Variants in TSKS observed in about 807,000 individuals in gnomAD.
The protein encoded by TSKS is testis-specific serine kinase substrate.
In TSKS, 27 loss-of-function variants were observed where a neutral mutation model predicts 68.0. That is an observed-to-expected ratio of 0.40 (90% confidence interval 0.29 to 0.55). The LOEUF (loss-of-function observed/expected upper bound fraction) is 0.55. Ranked by LOEUF, TSKS falls within the 20% of genes least tolerant of loss-of-function variation. The pLI, the probability that TSKS is intolerant of heterozygous loss-of-function variation, is 0.53. For missense variants in TSKS, 806 were observed against 776.0 expected, an observed-to-expected ratio of 1.04 and a Z score of -0.46; for synonymous variants, 331 against 340.4, an observed-to-expected ratio of 0.97 and a Z score of 0.30.
intron 8 of TSKS, among the ~76,000 whole-genome samples, chr19:49,743,966 C>T (rs939416124): frequency 6.6e-6 from 1 of 152,132 alleles, no homozygotes; most frequent in Non-Finnish European, 1.5e-5. Flanking sequence ...CTTGGTCTCC[C>T]GAAGTGCTGG....
chr19:49,749,739 T>C (rs2123613884), intron 2 of TSKS, among the ~76,000 whole-genome samples: 1 of 152,142 alleles, frequency 6.6e-6, no homozygotes. Context: ...GCCTCCCAAG[T>C]TGCTAAGAGT....
intron 2 of TSKS, among the ~76,000 whole-genome samples, chr19:49,751,989 G>A (rs1290861413): frequency 2.0e-5 from 3 of 151,332 alleles, no homozygotes; most frequent in South Asian, 2.1e-4. Context: ...TTGAAGAATC[G>A]CTTGAACCTG....
intron 10 of TSKS, 45 bp downstream of exon 10, chr19:49,740,014 C>T: frequency 6.2e-7 from 1 of 1,612,898 alleles, no homozygotes; most frequent in Non-Finnish European, 8.5e-7. Flanking sequence ...AGGCCCTTTC[C>T]CCAAGATCTC....
chr19:49,750,004 T>C (rs1406858195), intron 2 of TSKS, among the ~76,000 whole-genome samples: 1 of 152,024 alleles, frequency 6.6e-6, no homozygotes, highest in Non-Finnish European at 1.5e-5. Context: ...TCATCCCTTA[T>C]AGGAAAAGAG....
In TSKS at chr19:49,762,247, C is replaced by CA. The variant is rs2084448753; in HGVS notation, c.171-16dup. The CA allele has an allele frequency of 1.9e-6, 3 of 1,609,050 alleles. No individual in the cohort carries two copies. The highest frequency in any genetic ancestry group is 2.5e-6 in the Non-Finnish European group (3 of 1,177,112). ...GGGGCTCCACCCTGCAGAGAAGAAA[C>CA]AGGCAGAAAAGTGGAGAAGCAGCCC... On this transcript the variant is annotated splice_polypyrimidine_tract_variant and intron_variant, in intron 1 of 10. Transcript: ENST00000246801.
rs1237890822 is a variant in TSKS, at chr19:49,745,394, C to T, written c.995G>A (p.Arg332Lys). ...KLFTGIEELRREVSSLTARWH... is the reference protein window; with the variant it reads ...KLFTGIEELRKEVSSLTARWH... Reference sequence around the variant, plus strand: ...CCGGGCGGTCAGTGAGGACACCTCTCTCCTGGAGGGGCAGAGGAGGGGAAT... The same window carrying T: ...CCGGGCGGTCAGTGAGGACACCTCTTTCCTGGAGGGGCAGAGGAGGGGAAT... The change falls in exon 7 of 11, where the codon AGA becomes AAA. Residue 332 changes from arginine to lysine, a missense_variant and splice_region_variant. Coordinates refer to ENST00000246801, the MANE Select transcript of TSKS (RefSeq NM_021733.2). 1.1e-5 allele frequency: 17 copies of T among 1,551,290 alleles called. No homozygotes were observed. The highest frequency in any genetic ancestry group is 1.4e-5 in the African/African-American group (1 of 73,764).
Position 49,745,378 on chromosome 19 carries a change from C to T in TSKS, c.1011G>A (p.Leu337=). 2 of 1,572,620 alleles carry T rather than the reference C, an allele frequency of 1.3e-6. No homozygotes were observed. Among genetic ancestry groups the T allele is most frequent in the South Asian group, 1.1e-5 (1 of 87,618 alleles). ...CCTCCTCCTGATGCCACCGGGCGGT[C>T]AGTGAGGACACCTCTCTCCTGGAGG... ...IEELRREVSS[L]TARWHQEEGA... Residue 337 remains leucine (L), a synonymous_variant, in exon 7 of 11, where the codon CTG becomes CTA. Coordinates refer to ENST00000246801, the MANE Select transcript of TSKS (RefSeq NM_021733.2).
At position 49,762,169 on chromosome 19, in the gene TSKS, G is replaced by A; in HGVS notation, c.234C>T (p.Ala78=). 1 of 1,614,148 alleles carries A rather than the reference G, an allele frequency of 6.2e-7. No individual in the cohort carries two copies. The highest frequency in any genetic ancestry group is 2.2e-5 in the East Asian group (1 of 44,866). Residue 78 remains alanine (A), a synonymous_variant, in exon 2 of 11, where the codon GCC becomes GCT. Transcript: ENST00000246801. The part of the protein sequence containing the change: ...HWCLNLKRSS[A]CTNVSLLNLA... The stretch of plus-strand genomic sequence containing the variant: ...GGTTGAGCAGTGACACGTTGGTGCA[G>A]GCCGAGGACCGTTTGAGGTTCAGGC...
intron 8 of TSKS, among the ~76,000 whole-genome samples, chr19:49,742,311 C>T (rs1315526847): frequency 2.6e-5 from 4 of 151,686 alleles, no homozygotes; most frequent in Non-Finnish European, 5.9e-5. Flanking sequence ...AATTCTCCTG[C>T]GTCAGCCTCC....
At chr19:49,752,439 GTGATATGC>G (rs2084359551) in intron 2 of TSKS, among the ~76,000 whole-genome samples, 1 of 151,744 alleles carries the variant, frequency 6.6e-6, no homozygotes, top group African/African-American at 2.4e-5. Flanking sequence ...CTCTTGCCAG[GTGATATGC>G]TGGCTCCATC....
chr19:49,741,381 G>T (rs377725117), intron 9 of TSKS, among the ~76,000 whole-genome samples: 2 of 152,100 alleles, frequency 1.3e-5, no homozygotes, highest in East Asian at 3.9e-4. Flanking sequence ...AGTGCACTAG[G>T]GCTCAAGTTC....
chr19:49,762,307 A>G (rs2084449292), intron 1 of TSKS, 75 bp from the exon 2 acceptor site: 6 of 1,131,664 alleles, frequency 5.3e-6, no homozygotes, highest in Admixed American at 2.1e-5. Flanking sequence ...TCCTTTCTCC[A>G]TACCTCACCC....
chr19:49,750,282 C>T lies in TSKS; in HGVS notation c.400-1813G>A, dbSNP rs2084338811. ...ACATTCTTTTTTTTTTTTTTTTTGA[C>T]AGAGTCTTGCTCTTTTGTCAGGCTG... On this transcript the variant is annotated intron_variant, in intron 2 of 10. Transcript: ENST00000246801. Among the ~76,000 whole-genome samples the T allele has an allele frequency of 3.7e-5, 5 of 133,614 alleles. No individual in the cohort carries two copies. The Admixed American group carries it at 3.9e-4, about 10-fold the overall frequency. 87.7% of individuals were successfully genotyped at this position (133,614 alleles called of 152,430 possible).
rs181463240 is a variant in TSKS, at chr19:49,747,381, G to A, written c.663+8C>T. On this transcript the variant is annotated splice_region_variant and intron_variant, in intron 5 of 10. Transcript: ENST00000246801. ...CCACAAATCCTGGGACTGCCCCCTA[G>A]CCCTTACCTCCAGCAGGGCAGAATT... 4.5e-5 allele frequency: 73 copies of A among 1,614,162 alleles called. No individual in the cohort carries two copies. The African/African-American group carries it at 9.2e-4, about 20-fold the overall frequency.
At chr19:49,747,298 G>A in intron 5 of TSKS, 91 bp downstream of exon 5, 4 of 1,606,544 alleles carry the variant, frequency 2.5e-6, no homozygotes, top group Non-Finnish European at 3.4e-6. Context: ...TGGTGGTGTC[G>A]GGGCAGGGAG....
intron 8 of TSKS, among the ~76,000 whole-genome samples, chr19:49,742,964 C>T (rs1023924568): frequency 1.3e-5 from 2 of 152,136 alleles, no homozygotes; most frequent in African/African-American, 4.8e-5. Flanking sequence ...TATCCCTCGG[C>T]TCTCACAATA....
chr19:49,745,188 G>A lies in TSKS; in HGVS notation c.1187+14C>T, dbSNP rs759380317. 6.4e-6 allele frequency: 10 copies of A among 1,564,948 alleles called. No individual in the cohort carries two copies. The South Asian group carries it at 9.2e-5, about 14-fold the overall frequency. On this transcript the variant is annotated intron_variant, in intron 7 of 10. Coordinates refer to ENST00000246801, the MANE Select transcript of TSKS (RefSeq NM_021733.2). Reference sequence around the variant, plus strand: ...CCCCTTCCGGTCTTCCCATGCACTGGCCCCAATCCTCACATGGTGCACAGC... The same window carrying A: ...CCCCTTCCGGTCTTCCCATGCACTGACCCCAATCCTCACATGGTGCACAGC...
At chr19:49,762,929 T>G in intron 1 of TSKS, 149 bp downstream of exon 1, 1 of 931,298 alleles carries the variant, frequency 1.1e-6, no homozygotes. Context: ...CCCTGTGACT[T>G]GATGTCTCTT....
chr19:49,740,122 C>G lies in TSKS; in HGVS notation c.1559G>C (p.Arg520Pro), dbSNP rs369589276. The change falls in exon 10 of 11, where the codon CGG (arginine) becomes CCG (proline). Residue 520 changes from arginine to proline, a missense_variant. Arg to Pro is a moderately radical substitution (Grantham distance 103). Transcript: ENST00000246801. ...CCGCAGGGCCTCGTCTTGGGCCAGC[C>G]GAAGGGTGGAGCTCAGGGCCTCTGC... Reference protein sequence around the residue: ...VRAEALSSTLRLAQDEALRAK... With the variant: ...VRAEALSSTLPLAQDEALRAK... 8.7e-6 allele frequency: 14 copies of G among 1,614,018 alleles called. No individual in the cohort carries two copies. The highest frequency in any genetic ancestry group is 1.3e-5 in the African/African-American group (1 of 74,928).
Sources: allele counts gnomAD v4.1 joint callset (sites outside exome capture counted in the v4.1 genomes callset), GRCh38; gene constraint gnomAD v4.1.1; transcripts MANE v1.5; gene names NCBI Gene and HGNC (gene_info 2026-07-23, HGNC 2026-07-21).